The following ZC3H12B variants were observed in gnomAD, a reference collection of about 807,000 sequenced individuals.
ZC3H12B encodes probable ribonuclease ZC3H12B.
In ZC3H12B, 7 loss-of-function variants were observed where a neutral mutation model predicts 43.9. That is an observed-to-expected ratio of 0.16 (90% CI 0.09 to 0.30). The LOEUF (loss-of-function observed/expected upper bound fraction) is 0.30, where lower values mean the gene tolerates loss of function less well. ZC3H12B is among the 10% of genes least tolerant of loss of function. ZC3H12B has a pLI of 1.00. For synonymous variants in ZC3H12B, 222 were observed against 241.7 expected (o/e 0.92, Z 0.76); for missense variants, 475 against 670.2 (o/e 0.71, Z 3.22).
At chrX:65,229,866 C>A in the ZC3H12B span, among the ~76,000 whole-genome samples, 6 of 109,809 alleles carry the variant, frequency 5.5e-5, no homozygotes, top group Non-Finnish European at 1.1e-4. Context: ...AATGGCAGTC[C>A]TTAAAAAGTC....
chrX:65,061,338 C>T, the ZC3H12B span, among the ~76,000 whole-genome samples: 3 of 105,975 alleles, frequency 2.8e-5, no homozygotes, highest in East Asian at 8.5e-4. Flanking sequence ...CCCAACAGGC[C>T]CCAGTGTGTG....
At chrX:65,212,674 G>A in the ZC3H12B span, among the ~76,000 whole-genome samples, 18 of 81,946 alleles carry the variant, frequency 2.2e-4, no homozygotes, top group African/African-American at 8.3e-4. Context: ...AAATATATAT[G>A]ATTTATATAT....
chrX:65,303,266 C>A, the ZC3H12B span, among the ~76,000 whole-genome samples: 1 of 110,988 alleles, frequency 9.0e-6, no homozygotes, highest in Non-Finnish European at 1.9e-5. Flanking sequence ...GATTATCAGG[C>A]TTAGTACCTG....
chrX:65,180,983 C>A, the ZC3H12B span, among the ~76,000 whole-genome samples: 4 of 111,217 alleles, frequency 3.6e-5, no homozygotes, highest in Admixed American at 9.6e-5. Context: ...GGAGGCACCA[C>A]GCTACCTGAC....
chrX:65,080,711 C>G, the ZC3H12B span, among the ~76,000 whole-genome samples: 1 of 111,553 alleles, frequency 9.0e-6, no homozygotes, highest in South Asian at 3.7e-4. Context: ...ACAGACCTAT[C>G]CTACAAGAAA....
the ZC3H12B span, among the ~76,000 whole-genome samples, chrX:65,126,082 G>A: frequency 9.3e-6 from 1 of 107,755 alleles, no homozygotes; most frequent in East Asian, 2.9e-4. Flanking sequence ...CCTTTAAGGA[G>A]GTTCTGTTTT....
intron 2 of ZC3H12B, among the ~76,000 whole-genome samples, chrX:65,392,846 C>G (rs999201005): frequency 2.7e-5 from 3 of 112,975 alleles, no homozygotes; most frequent in African/African-American, 9.6e-5. Flanking sequence ...CGGATTGTTA[C>G]TGTGTCTGTG....
At chrX:65,301,420 T>C in the ZC3H12B span, among the ~76,000 whole-genome samples, 1 of 110,925 alleles carries the variant, frequency 9.0e-6, no homozygotes, top group African/African-American at 3.3e-5. Flanking sequence ...TGCAAAAATA[T>C]GGAACCAGCT....
upstream of ZC3H12B, among the ~76,000 whole-genome samples, chrX:65,363,115 G>T (rs1193433739): frequency 2.7e-5 from 3 of 111,255 alleles, no homozygotes; most frequent in African/African-American, 9.8e-5. Context: ...CTTCAGCCAA[G>T]CTCTTTCTCG....
chrX:65,451,426 G>T (rs187946233), intron 3 of ZC3H12B, among the ~76,000 whole-genome samples: 36 of 111,601 alleles, frequency 3.2e-4, no homozygotes, highest in Admixed American at 3.2e-3. Flanking sequence ...TTTAGGATCA[G>T]TGTCTAGAGA....
chrX:65,497,304 T>C (rs1428311727), intron 2 of ZC3H12B, 33 bp downstream of exon 7: 2 of 1,165,538 alleles, frequency 1.7e-6, no homozygotes, highest in Admixed American at 4.7e-5. Context: ...TCTTCTCATC[T>C]AGAGGCAAAT....
At chrX:65,230,623 A>C in the ZC3H12B span, among the ~76,000 whole-genome samples, 6 of 110,554 alleles carry the variant, frequency 5.4e-5, no homozygotes, top group African/African-American at 2.0e-4. Context: ...AAAAAAAAAA[A>C]AAACGAATTG....
chrX:65,296,893 A>T, the ZC3H12B span, among the ~76,000 whole-genome samples: 19 of 111,731 alleles, frequency 1.7e-4, no homozygotes, highest in South Asian at 3.7e-4. Flanking sequence ...AAACATAATT[A>T]AAAAAAATTA....
chrX:65,161,420 G>T, the ZC3H12B span, among the ~76,000 whole-genome samples: 1 of 111,338 alleles, frequency 9.0e-6, no homozygotes, highest in Non-Finnish European at 1.9e-5. Flanking sequence ...GGTCACTCAG[G>T]ACTTGCTTTA....
intron 1 of ZC3H12B, among the ~76,000 whole-genome samples, chrX:65,494,893 T>C (rs2068257097): frequency 8.9e-6 from 1 of 111,770 alleles, no homozygotes; most frequent in African/African-American, 3.2e-5. Flanking sequence ...ACTTAGACTG[T>C]TTGGGAGAAG....
the ZC3H12B span, among the ~76,000 whole-genome samples, chrX:65,339,798 C>G: frequency 1.8e-5 from 2 of 111,591 alleles, no homozygotes; most frequent in South Asian, 7.5e-4. Flanking sequence ...GTGGGGTGGC[C>G]CCCATGATCA....
the ZC3H12B span, among the ~76,000 whole-genome samples, chrX:65,282,546 T>G: frequency 1.8e-5 from 2 of 111,247 alleles, no homozygotes; most frequent in African/African-American, 6.5e-5. Context: ...GAGCTGGTTT[T>G]TTGAAAACAT....
At chrX:65,193,490 T>C in the ZC3H12B span, among the ~76,000 whole-genome samples, 1 of 111,807 alleles carries the variant, frequency 8.9e-6, no homozygotes, top group Non-Finnish European at 1.9e-5. Flanking sequence ...AATGTTTCCT[T>C]TTTATCTCTA....
chrX:65,213,603 G>A, the ZC3H12B span, among the ~76,000 whole-genome samples: 1 of 110,741 alleles, frequency 9.0e-6, no homozygotes, highest in Non-Finnish European at 1.9e-5. Flanking sequence ...CTGATGGGAG[G>A]CTCCACCTTT....
Sources: allele counts gnomAD v4.1 joint callset (sites outside exome capture counted in the v4.1 genomes callset), GRCh38; gene constraint gnomAD v4.1.1; transcripts MANE v1.5; gene names NCBI Gene and HGNC (gene_info 2026-07-23, HGNC 2026-07-21).